The following CDK14 variants were observed in gnomAD, a reference collection of about 807,000 sequenced individuals.
The protein encoded by CDK14 is cyclin dependent kinase 14, also known as cyclin-dependent kinase 14.
Under a neutral mutation model 60.7 loss-of-function variants are expected in CDK14, and 34 were observed. That is an observed-to-expected ratio of 0.56 (90% confidence interval 0.43 to 0.75). CDK14 has a LOEUF of 0.75. Among genes scored for constraint, CDK14 ranks in the 30% least tolerant of loss-of-function variants. The pLI, the probability that CDK14 is intolerant of heterozygous loss-of-function variation, is 0.00. For missense variants in CDK14, 482 were observed against 564.1 expected, an observed-to-expected ratio of 0.85 and a Z score of 1.47; for synonymous variants, 197 against 203.7, an observed-to-expected ratio of 0.97 and a Z score of 0.28.
intron 11 of CDK14, among the ~76,000 whole-genome samples, chr7:91,049,554 G>T (rs697404): frequency 2.0e-5 from 3 of 152,098 alleles, no homozygotes; most frequent in Admixed American, 1.3e-4. Context: ...TCTGTTATAG[G>T]TGTATGTACA....
chr7:90,775,653 C>CTCCCCCTTCCCCTCCCCCTTCCCA (rs1339736550), intron 4 of CDK14, among the ~76,000 whole-genome samples: 1 of 120,958 alleles, frequency 8.3e-6, no homozygotes, highest in East Asian at 3.4e-4. Flanking sequence ...CCCCCTTCCC[C>CTCCCCCTTCCCCTCCCCCTTCCCA]TCCCCCTTTC....
chr7:90,853,675 G>GT (rs1402567501), intron 5 of CDK14, among the ~76,000 whole-genome samples: 1 of 152,160 alleles, frequency 6.6e-6, no homozygotes, highest in Non-Finnish European at 1.5e-5. Flanking sequence ...GAGAACAAGA[G>GT]TTTTTTGTCT....
At position 91,208,726 on chromosome 7, in the gene CDK14, C is replaced by T. The variant is rs1802977726; in HGVS notation, c.*1590C>T. 1 of 152,434 alleles carries T rather than the reference C, an allele frequency of 6.6e-6. No homozygotes were observed. The highest frequency in any genetic ancestry group is 2.4e-5 in the African/African-American group (1 of 41,460). 9.4% of individuals were successfully genotyped at this position (152,434 alleles called of 1,614,324 possible). The stretch of plus-strand genomic sequence containing the variant: ...AATCAAGCTCAATACACCAAGGAAA[C>T]TGGATCCAGAATTCCTAAACTTTAA... On this transcript the variant is annotated 3_prime_UTR_variant, in exon 15 of 15. Transcript: ENST00000380050.
intron 14 of CDK14, among the ~76,000 whole-genome samples, chr7:91,119,292 A>G (rs1287148939): frequency 6.6e-6 from 1 of 152,060 alleles, no homozygotes; most frequent in African/African-American, 2.4e-5. Flanking sequence ...AACAGCCTGG[A>G]CAACATGGTG....
chr7:90,811,721 G>T (rs1182782447), intron 5 of CDK14, among the ~76,000 whole-genome samples: 3 of 151,892 alleles, frequency 2.0e-5, no homozygotes, highest in East Asian at 1.9e-4. Flanking sequence ...CTACTCATCT[G>T]ACAAAGGGCT....
intron 2 of CDK14, among the ~76,000 whole-genome samples, chr7:90,665,360 C>G (rs1228546034): frequency 6.6e-6 from 1 of 152,152 alleles, no homozygotes; most frequent in East Asian, 1.9e-4. Context: ...ATTTTGCCCT[C>G]TATGGCAGGT....
At chr7:90,803,186 G>A (rs1262777817) in intron 5 of CDK14, among the ~76,000 whole-genome samples, 4 of 151,652 alleles carry the variant, frequency 2.6e-5, no homozygotes, top group African/African-American at 7.3e-5. Flanking sequence ...CTACAGAAAA[G>A]GATTATTTAA....
chr7:90,876,610 T>C (rs1221203251), intron 6 of CDK14, among the ~76,000 whole-genome samples: 1 of 152,212 alleles, frequency 6.6e-6, no homozygotes, highest in East Asian at 1.9e-4. Context: ...GTATTCCATT[T>C]GGTTGGTTGG....
intron 12 of CDK14, among the ~76,000 whole-genome samples, chr7:91,109,722 T>C (rs1799419626): frequency 6.6e-6 from 1 of 152,036 alleles, no homozygotes; most frequent in South Asian, 2.1e-4. Flanking sequence ...ACCCTAATAT[T>C]ACATGTATGA....
In CDK14 at chr7:90,649,309, T is replaced by TTTCTTTCC. The variant is rs1800551113; in HGVS notation, c.123+45063_123+45064insTTTCCTTC. ...CTTTCTTTCTTTCTTTCTTTCTTTC[T>TTTCTTTCC]TTCCTTCCTTCCTTCCTTCCTTCCT... On this transcript the variant is annotated intron_variant, in intron 2 of 14. Coordinates refer to ENST00000380050, the MANE Select transcript of CDK14 (RefSeq NM_001287135.2). Among the ~76,000 whole-genome samples the TTTCTTTCC allele has an allele frequency of 4.9e-5, 2 of 41,134 alleles. 1 individual carries two copies. The highest frequency in any genetic ancestry group is 8.7e-5 in the Non-Finnish European group (2 of 23,120). The allele number at this position is 41,134 out of a possible 152,430, so 27.0% of individuals were successfully genotyped here.
intron 2 of CDK14, 179 bp from the exon 3 acceptor site, chr7:90,726,388 A>G (rs1199142765): frequency 3.9e-6 from 5 of 1,282,352 alleles, no homozygotes; most frequent in Non-Finnish European, 5.2e-6. Context: ...AAGTGTAAAC[A>G]CAATGATTGT....
rs553235078 is a variant in CDK14 at position 90,875,551 on chromosome 7, G to A, written c.639+12282G>A. On this transcript the variant is annotated intron_variant, in intron 6 of 14. Coordinates refer to ENST00000380050, the MANE Select transcript of CDK14 (RefSeq NM_001287135.2). ...GCCTTTTTTTTTTATTATATTGGATGTTTAGTTGTATCTGATAGTGAGTTT... is the reference window on the plus strand; with the variant it reads ...GCCTTTTTTTTTTATTATATTGGATATTTAGTTGTATCTGATAGTGAGTTT... Among the ~76,000 whole-genome samples, 3 of 152,016 alleles carry A rather than the reference G, an allele frequency of 2.0e-5. No homozygotes were observed. The East Asian group carries it at 5.8e-4, about 29-fold the overall frequency.
At chr7:91,039,684 A>G (rs764857598) in intron 10 of CDK14, among the ~76,000 whole-genome samples, 2 of 152,140 alleles carry the variant, frequency 1.3e-5, no homozygotes, top group Non-Finnish European at 2.9e-5. Context: ...GGTCATTTCC[A>G]TCTGTCCTTG....
chr7:90,865,016 T>G (rs570638023), intron 6 of CDK14, among the ~76,000 whole-genome samples: 1 of 152,284 alleles, frequency 6.6e-6, no homozygotes, highest in African/African-American at 2.4e-5. Context: ...TTTTGGCTTA[T>G]GATTGCCCTG....
chr7:90,884,689 A>G (rs977488166), intron 6 of CDK14, among the ~76,000 whole-genome samples: 4 of 152,186 alleles, frequency 2.6e-5, no homozygotes, highest in Non-Finnish European at 4.4e-5. Context: ...AAACTATGCT[A>G]CAGGGCTACA....
In CDK14 at chr7:91,081,899, A is replaced by G. The variant is rs145546416; in HGVS notation, c.1154+2419A>G. On this transcript the variant is annotated intron_variant, in intron 12 of 14. Coordinates refer to ENST00000380050, the MANE Select transcript of CDK14 (RefSeq NM_001287135.2). ...ATGCGATTGAGAATAATAAATATAT[A>G]TTAAAAAAAAAGGAAAGTCCTTTTA... is the stretch of plus-strand genomic sequence containing the variant. Among the ~76,000 whole-genome samples the G allele has an allele frequency of 8.4e-3, 1,278 of 151,994 alleles. 5 individuals are homozygous for G. The highest frequency in any genetic ancestry group is 0.013 in the Non-Finnish European group (866 of 67,984).
intron 7 of CDK14, among the ~76,000 whole-genome samples, chr7:90,914,235 G>C (rs1183602589): frequency 6.6e-6 from 1 of 152,086 alleles, no homozygotes; most frequent in East Asian, 1.9e-4. Flanking sequence ...AATGAATTCT[G>C]TTTTCAGAGT....
chr7:90,851,356 T>G (rs2117180859), intron 5 of CDK14, among the ~76,000 whole-genome samples: 1 of 152,248 alleles, frequency 6.6e-6, no homozygotes, highest in South Asian at 2.1e-4. Flanking sequence ...TGTGTGTGTA[T>G]GAATGTGTGT....
intron 5 of CDK14, among the ~76,000 whole-genome samples, chr7:90,815,018 A>G (rs1359719031): frequency 6.6e-6 from 1 of 152,266 alleles, no homozygotes; most frequent in East Asian, 1.9e-4. Flanking sequence ...CATAGAAACA[A>G]TCTTTTTCCT....
Sources: gnomAD v4.1 joint callset for allele counts (sites outside exome capture counted in the v4.1 genomes callset) on GRCh38, gnomAD v4.1.1 for gene constraint, MANE v1.5 for transcripts, NCBI Gene and HGNC (gene_info 2026-07-23, HGNC 2026-07-21) for gene names.